Variants in SERPINF1 observed in about 807,000 individuals in gnomAD.
SERPINF1 encodes pigment epithelium-derived factor.
SERPINF1 carries 29 observed loss-of-function variants against 37.3 expected under a neutral mutation model. That is an observed-to-expected ratio of 0.78 (90% confidence interval 0.58 to 1.06). The LOEUF is 1.06. Among genes scored for constraint, SERPINF1 ranks in the 50% least tolerant of loss-of-function variants. SERPINF1 has a pLI of 0.00. For synonymous variants in SERPINF1, 281 were observed against 227.9 expected, an observed-to-expected ratio of 1.23 and a Z score of -2.10; for missense variants, 553 against 532.2, an observed-to-expected ratio of 1.04 and a Z score of -0.38.
chr17:1,776,149 C>G (rs1038488129), intron 6 of SERPINF1, among the ~76,000 whole-genome samples: 8 of 152,020 alleles, frequency 5.3e-5, no homozygotes, highest in Non-Finnish European at 1.0e-4. Context: ...TATTCCTATC[C>G]CCGGTTCTCC....
chr17:1,763,915 G>A lies in SERPINF1; in HGVS notation c.-9+1802G>A, dbSNP rs540456374. ...ATACTATGCCAGGATAATGGCCAGG[G>A]ATGGTGGCTCACGCCTGTACTCCTG... On this transcript the variant is annotated intron_variant, in intron 1 of 7. Coordinates refer to ENST00000254722, the MANE Select transcript of SERPINF1 (RefSeq NM_002615.7). Among the ~76,000 whole-genome samples, 3 of 152,354 alleles carry A rather than the reference G, an allele frequency of 2.0e-5. No homozygotes were observed. In the East Asian group the frequency reaches 5.8e-4, roughly 29 times the overall value.
chr17:1,769,237 G>A lies in SERPINF1; in HGVS notation c.85-615G>A, dbSNP rs530824065. ...ATCCTGCCTAACACGGTGAAACCCC[G>A]TCTCTACTAAAAATACAAAAAATTA... On this transcript the variant is annotated intron_variant, in intron 2 of 7. Coordinates refer to ENST00000254722, the MANE Select transcript of SERPINF1 (RefSeq NM_002615.7). 5.3e-4 allele frequency among the ~76,000 whole-genome samples: 81 copies of A among 151,510 alleles called. 1 individual carries two copies. Among genetic ancestry groups the A allele is most frequent in the Non-Finnish European group, 9.6e-4 (65 of 67,852 alleles).
chr17:1,766,043 C>G (rs80309789), intron 1 of SERPINF1, among the ~76,000 whole-genome samples: 4 of 152,102 alleles, frequency 2.6e-5, no homozygotes, highest in Admixed American at 1.3e-4. Flanking sequence ...AGGGACAGCA[C>G]GTGCCGGACT....
rs149088020 is a variant in SERPINF1, at chr17:1,776,555, A to G, written c.810A>G (p.Gly270=). The change falls in exon 7 of 8, where the codon GGA becomes GGG. Residue 270 remains glycine (G), a synonymous_variant. Transcript: ENST00000254722. ...AGATTGCCCAGCTGCCCTTGACCGG[A>G]AGCATGAGTATCATCTTCTTCCTGC... The part of the protein sequence containing the change: ...SCKIAQLPLT[G]SMSIIFFLPL... 53 of 1,613,998 alleles carry G rather than the reference A, an allele frequency of 3.3e-5. No individual in the cohort carries two copies. In the East Asian group the frequency reaches 4.2e-4, roughly 13 times the overall value.
chr17:1,766,370 ACGT>A (rs1907366796), intron 1 of SERPINF1: 1 of 152,156 alleles, frequency 6.6e-6, no homozygotes, highest in Non-Finnish European at 1.5e-5. Context: ...AGCCTGATGA[ACGT>A]GGTGAAACCC....
At chr17:1,768,430 CAA>C (rs71150813) in intron 2 of SERPINF1, among the ~76,000 whole-genome samples, 19 of 91,770 alleles carry the variant, frequency 2.1e-4, no homozygotes, top group Admixed American at 6.8e-4. Context: ...GACTCCGTCT[CAA>C]AAAAAAAAAA....
intron 5 of SERPINF1, among the ~76,000 whole-genome samples, 157 bp from the exon 6 acceptor site, chr17:1,774,901 A>T (rs1173918491): frequency 1.3e-5 from 2 of 152,148 alleles, no homozygotes; most frequent in Non-Finnish European, 2.9e-5. Flanking sequence ...CAAGCCACAC[A>T]CACTGAGATA....
Position 1,769,931 on chromosome 17 carries a change from C to T in SERPINF1, c.164C>T (p.Ala55Val). The change falls in exon 3 of 8, where the codon GCA (alanine) becomes GTA (valine). Residue 55 changes from alanine to valine, a missense_variant. By Grantham distance (64) the Ala-to-Val change is moderately conservative (BLOSUM62 0). Transcript: ENST00000254722. ...TTCAAAGTCCCCGTGAACAAGCTGG[C>T]AGCGGCTGTCTCCAACTTCGGCTAT... is the stretch of plus-strand genomic sequence containing the variant. ...PFFKVPVNKL[A>V]AAVSNFGYDL... The T allele has an allele frequency of 6.2e-7, 1 of 1,614,218 alleles. No homozygotes were observed. The highest frequency in any genetic ancestry group is 8.5e-7 in the Non-Finnish European group (1 of 1,180,040).
chr17:1,770,951 G>C (rs1907687304), intron 3 of SERPINF1, 78 bp from the exon 4 acceptor site: 1 of 1,564,664 alleles, frequency 6.4e-7, no homozygotes, highest in Non-Finnish European at 8.8e-7. Context: ...GATGAGTATA[G>C]TGTCTGTGTT....
At position 1,777,085 on chromosome 17, in the gene SERPINF1, G is replaced by C. The variant is rs577848899; in HGVS notation, c.998-102G>C. The C allele has an allele frequency of 9.8e-5, 156 of 1,586,230 alleles. No individual in the cohort carries two copies. The African/African-American group carries it at 2.0e-3, about 20-fold the overall frequency. ...CAGACCTCTTCAGGCCTCAGAGAAA[G>C]TCAACAGTGCTGCGCCATCCCAGCT... On this transcript the variant is annotated intron_variant, in intron 7 of 7. Transcript: ENST00000254722.
In SERPINF1 at chr17:1,777,230, A is replaced by G; in HGVS notation, c.1041A>G (p.Thr347=). The change falls in exon 8 of 8, where the codon ACA becomes ACG. Residue 347 remains threonine, a synonymous_variant. Coordinates refer to ENST00000254722, the MANE Select transcript of SERPINF1 (RefSeq NM_002615.7). ...ATTCACCAGACTTTAGCAAGATCACAGGCAAACCCATCAAGCTGACTCAGG... is the reference window on the plus strand; with the variant it reads ...ATTCACCAGACTTTAGCAAGATCACGGGCAAACCCATCAAGCTGACTCAGG... ...LFDSPDFSKI[T]GKPIKLTQVE... 1 of 1,614,110 alleles carries G rather than the reference A, an allele frequency of 6.2e-7. No individual in the cohort carries two copies. The highest frequency in any genetic ancestry group is 2.2e-5 in the East Asian group (1 of 44,860).
intron 5 of SERPINF1, among the ~76,000 whole-genome samples, chr17:1,773,113 T>G (rs1360374061): frequency 6.6e-6 from 1 of 152,216 alleles, no homozygotes; most frequent in African/African-American, 2.4e-5. Flanking sequence ...GAAGCTTACC[T>G]GCTTGTCATC....
chr17:1,768,940 G>T (rs1440294930), intron 2 of SERPINF1, among the ~76,000 whole-genome samples: 1 of 151,788 alleles, frequency 6.6e-6, no homozygotes, highest in Admixed American at 6.6e-5. Flanking sequence ...TGAGTAGCTG[G>T]GATTACAGGC....
Position 1,771,055 on chromosome 17 carries a change from A to G in SERPINF1, c.310A>G (p.Ile104Val), listed in dbSNP as rs1907692560. The G allele has an allele frequency of 6.2e-7, 1 of 1,613,930 alleles. No homozygotes were observed. Among genetic ancestry groups the G allele is most frequent in the African/African-American group, 1.3e-5 (1 of 74,886 alleles). ...LGAEQRTESIIHRALYYDLIS... is the reference protein window; with the variant it reads ...LGAEQRTESIVHRALYYDLIS... Reference sequence around the variant, plus strand: ...AGCGGAGCAGCGAACAGAATCCATCATTCACCGGGCTCTCTACTATGACTT... The same window carrying G: ...AGCGGAGCAGCGAACAGAATCCATCGTTCACCGGGCTCTCTACTATGACTT... Residue 104 changes from isoleucine (I) to valine (V), a missense_variant, in exon 4 of 8, where the codon ATT becomes GTT. Ile to Val is a conservative substitution (Grantham distance 29, BLOSUM62 3). Coordinates refer to ENST00000254722, the MANE Select transcript of SERPINF1 (RefSeq NM_002615.7).
At chr17:1,767,018 G>A (rs550187303) in intron 2 of SERPINF1, 24 bp downstream of exon 2, 16 of 1,539,296 alleles carry the variant, frequency 1.0e-5, no homozygotes, top group Admixed American at 2.0e-5. Context: ...CGGGGAGGGC[G>A]TGGTCAGCAT....
rs147257649 is a variant in SERPINF1, at chr17:1,770,046, G to A, written c.279G>A (p.Ser93=). The change falls in exon 3 of 8, where the codon TCG becomes TCA. Residue 93 remains serine, a synonymous_variant. Coordinates refer to ENST00000254722, the MANE Select transcript of SERPINF1 (RefSeq NM_002615.7). ...TGGCCACGGCCCTCTCGGCCCTCTC[G>A]CTGGGTGAGTGCTCAGATGCAGGAA... ...LSVATALSAL[S]LGAEQRTESI... 2.6e-5 allele frequency: 42 copies of A among 1,613,960 alleles called. No individual in the cohort carries two copies. In the African/African-American group the frequency reaches 4.3e-4, roughly 16 times the overall value.
Position 1,771,081 on chromosome 17 carries a change from G to T in SERPINF1, c.336G>T (p.Leu112Phe), listed in dbSNP as rs749212971. ...SIIHRALYYD[L>F]ISSPDIHGTY... The stretch of plus-strand genomic sequence containing the variant: ...TTCACCGGGCTCTCTACTATGACTT[G>T]ATCAGCAGCCCAGACATCCATGGTA... The change falls in exon 4 of 8, where the codon TTG (leucine) becomes TTT (phenylalanine). Residue 112 changes from leucine to phenylalanine, a missense_variant. Leu to Phe is a conservative substitution (Grantham distance 22). Transcript: ENST00000254722. 3.1e-6 allele frequency: 5 copies of T among 1,613,966 alleles called. No homozygotes were observed. Among genetic ancestry groups the T allele is most frequent in the Admixed American group, 1.7e-5 (1 of 59,970 alleles).
intron 5 of SERPINF1, among the ~76,000 whole-genome samples, 196 bp from the exon 6 acceptor site, chr17:1,774,862 C>T (rs1907931995): frequency 6.6e-6 from 1 of 152,154 alleles, no homozygotes; most frequent in Admixed American, 6.6e-5. Flanking sequence ...GTGAAGGGCA[C>T]TTGGGGTCCT....
intron 6 of SERPINF1, among the ~76,000 whole-genome samples, chr17:1,775,890 T>C (rs1431453930): frequency 2.6e-5 from 4 of 152,236 alleles, no homozygotes; most frequent in Non-Finnish European, 5.9e-5. Context: ...TCTAAGTCTG[T>C]AACTGTTAAC....
Sources: gnomAD v4.1 joint callset for allele counts (sites outside exome capture counted in the v4.1 genomes callset) on GRCh38, gnomAD v4.1.1 for gene constraint, MANE v1.5 for transcripts, NCBI Gene and HGNC (gene_info 2026-07-23, HGNC 2026-07-21) for gene names.